The following CRYL1 variants were observed in gnomAD, a reference collection of about 807,000 sequenced individuals.
CRYL1 encodes lambda-crystallin homolog.
In CRYL1, 29 loss-of-function variants were observed where a neutral mutation model predicts 36.6. The ratio of observed to expected loss-of-function variants is 0.79; its 90% CI spans 0.59 to 1.08. The LOEUF is 1.08. Among genes scored for constraint, CRYL1 ranks in the 50% least tolerant of loss-of-function variants. The pLI is 0.00. For missense variants in CRYL1, 411 were observed against 407.9 expected (o/e 1.01, Z -0.06); for synonymous variants, 152 against 151.5 (o/e 1.00, Z -0.02).
In CRYL1 at chr13:20,432,235, G is replaced by A. The variant is rs759261164; in HGVS notation, c.500C>T (p.Thr167Met). The A allele has an allele frequency of 1.1e-5, 17 of 1,613,714 alleles. No individual in the cohort carries two copies. Among genetic ancestry groups the A allele is most frequent in the East Asian group, 4.5e-5 (2 of 44,868 alleles). The change falls in exon 5 of 8, where the codon ACG becomes ATG. Residue 167 changes from threonine to methionine, a missense_variant. Physicochemically the swap from Thr to Met is moderately conservative, Grantham distance 81 (BLOSUM62 -1). Transcript: ENST00000298248. ...CAGGGCGTGGGTTCTGTCCACTGTCGTAGGGGCCGTCTCCGGGTGGGGGAC... is the reference window on the plus strand; with the variant it reads ...CAGGGCGTGGGTTCTGTCCACTGTCATAGGGGCCGTCTCCGGGTGGGGGAC... ...ELVPHPETAP[T>M]TVDRTHALMK... is the part of the protein sequence containing the mutation.
intron 3 of CRYL1, among the ~76,000 whole-genome samples, chr13:20,472,677 G>T (rs768339398): frequency 9.9e-5 from 15 of 152,206 alleles, no homozygotes; most frequent in Non-Finnish European, 1.9e-4. Flanking sequence ...TAAGGACAGC[G>T]CGTGGCCCTC....
chr13:20,513,416 G>A, intron 1 of CRYL1: 1 of 152,238 alleles, frequency 6.6e-6, no homozygotes, highest in South Asian at 2.1e-4. Context: ...CATGGATTAG[G>A]TATCAGGCAC....
Position 20,486,161 on chromosome 13 carries a change from C to T in CRYL1, c.276+3209G>A, listed in dbSNP as rs191268448. Among the ~76,000 whole-genome samples, 34 of 152,260 alleles carry T rather than the reference C, an allele frequency of 2.2e-4. No individual in the cohort carries two copies. In the East Asian group the frequency reaches 6.4e-3, roughly 29 times the overall value. On this transcript the variant is annotated intron_variant, in intron 3 of 7. Coordinates refer to ENST00000298248, the MANE Select transcript of CRYL1 (RefSeq NM_015974.3). ...TCTTGAACTCCTGAGCTCGAGCAAT[C>T]CGCCACCCTCAGCCTCCCAAGAGTG...
chr13:20,470,910 C>CAAAAAAAA (rs11353451), intron 3 of CRYL1, among the ~76,000 whole-genome samples: 22 of 40,882 alleles, frequency 5.4e-4, no homozygotes, highest in African/African-American at 1.7e-3. Context: ...AACTCCATCT[C>CAAAAAAAA]AAAAAAAAAA....
intron 5 of CRYL1, among the ~76,000 whole-genome samples, chr13:20,420,523 GAA>G (rs60801537): frequency 4.8e-5 from 7 of 144,614 alleles, no homozygotes; most frequent in Non-Finnish European, 6.0e-5. Context: ...GGATTTAAAA[GAA>G]AAAAAAAAAA....
intron 4 of CRYL1, among the ~76,000 whole-genome samples, chr13:20,433,353 A>G (rs1565962467): frequency 6.6e-6 from 1 of 152,250 alleles, no homozygotes; most frequent in Non-Finnish European, 1.5e-5. Context: ...CTGAGCACTG[A>G]GCCAAGTATA....
chr13:20,507,847 G>A lies in CRYL1; in HGVS notation c.149+4596C>T, dbSNP rs536297208. ...GCAGGAGAATGGCATGAACCTGGGAGGCGGAGCTTGCAGTGAGCCAAGATC... is the reference window on the plus strand; with the variant it reads ...GCAGGAGAATGGCATGAACCTGGGAAGCGGAGCTTGCAGTGAGCCAAGATC... On this transcript the variant is annotated intron_variant, in intron 2 of 7. Transcript: ENST00000298248. Among the ~76,000 whole-genome samples the A allele has an allele frequency of 5.9e-5, 9 of 151,726 alleles. 1 individual carries two copies. In the South Asian group the frequency reaches 1.5e-3, roughly 25 times the overall value.
At chr13:20,411,794 C>G (rs1347457548) in intron 6 of CRYL1, among the ~76,000 whole-genome samples, 1 of 152,148 alleles carries the variant, frequency 6.6e-6, no homozygotes, top group Non-Finnish European at 1.5e-5. Flanking sequence ...AGCAGATTCC[C>G]CTCTTCCCTT....
At chr13:20,489,231 C>A in intron 3 of CRYL1, 139 bp downstream of exon 3, 1 of 962,230 alleles carries the variant, frequency 1.0e-6, no homozygotes, top group Admixed American at 2.7e-5. Context: ...CATTTCCTAT[C>A]ACATAAAACA....
At chr13:20,510,941 A>G (rs1337581786) in intron 2 of CRYL1, among the ~76,000 whole-genome samples, 1 of 152,134 alleles carries the variant, frequency 6.6e-6, no homozygotes, top group Non-Finnish European at 1.5e-5. Flanking sequence ...ATTATCCACT[A>G]TGTATCCCTA....
chr13:20,465,228 A>G (rs2032908268), intron 3 of CRYL1, among the ~76,000 whole-genome samples: 1 of 152,214 alleles, frequency 6.6e-6, no homozygotes, highest in Admixed American at 6.5e-5. Context: ...ACAGATAAAC[A>G]AGGTTTCGCA....
chr13:20,407,017 T>C (rs536766148), intron 6 of CRYL1, among the ~76,000 whole-genome samples: 1 of 151,452 alleles, frequency 6.6e-6, no homozygotes, highest in Non-Finnish European at 1.5e-5. Flanking sequence ...TAGAACTTTC[T>C]TTCCTTTCTG....
At chr13:20,433,403 T>G (rs2032119894) in intron 4 of CRYL1, among the ~76,000 whole-genome samples, 1 of 152,182 alleles carries the variant, frequency 6.6e-6, no homozygotes, top group Non-Finnish European at 1.5e-5. Flanking sequence ...TGGGTTTTCC[T>G]CCACTACATG....
intron 3 of CRYL1, among the ~76,000 whole-genome samples, chr13:20,471,203 C>G (rs1021830314): frequency 6.6e-6 from 1 of 152,048 alleles, no homozygotes; most frequent in African/African-American, 2.4e-5. Flanking sequence ...GATTATGAAG[C>G]AACATGGAAC....
intron 2 of CRYL1, among the ~76,000 whole-genome samples, chr13:20,505,948 C>G (rs2033790294): frequency 1.3e-5 from 2 of 152,226 alleles, no homozygotes; most frequent in Admixed American, 1.3e-4. Context: ...CTCCTGGTCT[C>G]TGAACTCATT....
intron 3 of CRYL1, among the ~76,000 whole-genome samples, chr13:20,450,217 G>T (rs1466773049): frequency 1.3e-5 from 2 of 152,114 alleles, no homozygotes; most frequent in African/African-American, 4.8e-5. Flanking sequence ...TAACCAAACA[G>T]CATGATATTG....
chr13:20,517,239 C>A (rs1461459864), intron 1 of CRYL1, among the ~76,000 whole-genome samples: 5 of 152,186 alleles, frequency 3.3e-5, no homozygotes, highest in African/African-American at 9.7e-5. Context: ...AAATGCAGTA[C>A]AGGCCGAGTG....
intron 1 of CRYL1, among the ~76,000 whole-genome samples, chr13:20,516,486 CT>C (rs113073630): frequency 1.4e-4 from 21 of 146,936 alleles, no homozygotes; most frequent in Admixed American, 2.7e-4. Flanking sequence ...AAAAGATAAT[CT>C]TTTTTTTTTT....
chr13:20,524,261 C>CGT (rs1041484879), intron 1 of CRYL1, among the ~76,000 whole-genome samples: 1 of 152,022 alleles, frequency 6.6e-6, no homozygotes, highest in African/African-American at 2.4e-5. Context: ...CGCACGCATG[C>CGT]GTGTAAAAAC....
Sources: allele counts gnomAD v4.1 joint callset (sites outside exome capture counted in the v4.1 genomes callset), GRCh38; gene constraint gnomAD v4.1.1; transcripts MANE v1.5; gene names NCBI Gene and HGNC (gene_info 2026-07-23, HGNC 2026-07-21).